Variants in ERC1 observed in about 807,000 individuals in gnomAD.
The protein encoded by ERC1 is ELKS/RAB6-interacting/CAST family member 1.
ERC1 carries 56 observed loss-of-function variants against 132.0 expected under a neutral mutation model. The observed-to-expected ratio is 0.42, with a 90% CI of 0.34 to 0.53. The LOEUF (loss-of-function observed/expected upper bound fraction) is 0.53. Ranked by LOEUF, ERC1 falls within the 20% of genes least tolerant of loss-of-function variation. The pLI is 0.03. For synonymous variants in ERC1, 478 were observed against 476.1 expected (o/e 1.00, Z -0.05); for missense variants, 1,202 against 1,349.9 (o/e 0.89, Z 1.72).
At chr12:1,026,716 T>A (rs1157248002) in intron 1 of ERC1, among the ~76,000 whole-genome samples, 1 of 152,204 alleles carries the variant, frequency 6.6e-6, no homozygotes, top group Non-Finnish European at 1.5e-5. Context: ...AAAAGGAAAA[T>A]CTTATTTTCA....
chr12:1,100,566 A>T (rs1944548781), intron 3 of ERC1, among the ~76,000 whole-genome samples: 1 of 152,166 alleles, frequency 6.6e-6, no homozygotes, highest in African/African-American at 2.4e-5. Flanking sequence ...AAGTTTCAGG[A>T]TATATTTTGA....
At chr12:1,484,304 A>C (rs78483477) in intron 18 of ERC1, among the ~76,000 whole-genome samples, 1 of 144,910 alleles carries the variant, frequency 6.9e-6, no homozygotes, top group Non-Finnish European at 1.5e-5. Flanking sequence ...ACTCCGTCTC[A>C]AAAAAAAAAA....
chr12:1,304,030 G>A (rs982786863), intron 15 of ERC1, among the ~76,000 whole-genome samples: 2 of 150,142 alleles, frequency 1.3e-5, no homozygotes. Flanking sequence ...TCTCATGTAT[G>A]ATGAAGTCTC....
At chr12:1,211,543 C>T (rs145233174) in intron 12 of ERC1, among the ~76,000 whole-genome samples, 181 of 152,142 alleles carry the variant, frequency 1.2e-3, no homozygotes, top group Middle Eastern at 6.8e-3. Flanking sequence ...AATGATATAA[C>T]TTGGATATAA....
At chr12:1,197,866 A>G (rs1956482190) in intron 12 of ERC1, among the ~76,000 whole-genome samples, 1 of 152,110 alleles carries the variant, frequency 6.6e-6, no homozygotes, top group Admixed American at 6.5e-5. Context: ...AGAATGTAGT[A>G]GTATCAGAAA....
At chr12:1,168,646 G>A (rs568155208) in intron 8 of ERC1, among the ~76,000 whole-genome samples, 19 of 151,660 alleles carry the variant, frequency 1.3e-4, no homozygotes, top group African/African-American at 2.7e-4. Flanking sequence ...CACCACACCC[G>A]GCTAATTTTT....
chr12:1,349,833 G>C (rs1169031973), intron 15 of ERC1, among the ~76,000 whole-genome samples: 7 of 152,132 alleles, frequency 4.6e-5, no homozygotes, highest in Non-Finnish European at 2.9e-5. Flanking sequence ...CAACTGGTTA[G>C]ACTTCCAGCT....
chr12:1,262,330 T>C (rs905790058), intron 13 of ERC1, among the ~76,000 whole-genome samples: 1 of 152,208 alleles, frequency 6.6e-6, no homozygotes, highest in Non-Finnish European at 1.5e-5. Context: ...TGTTTGACTT[T>C]CTGATAGATC....
At chr12:1,194,213 G>A (rs1452325430) in intron 12 of ERC1, among the ~76,000 whole-genome samples, 1 of 152,184 alleles carries the variant, frequency 6.6e-6, no homozygotes, top group East Asian at 1.9e-4. Flanking sequence ...CTGAGGTCAG[G>A]AGTTTGAGAC....
At chr12:1,372,274 A>G (rs75694367) in intron 16 of ERC1, among the ~76,000 whole-genome samples, 9,182 of 152,220 alleles carry the variant, frequency 0.06, 315 homozygotes, top group South Asian at 0.12. Context: ...TTTGACATGA[A>G]AAGGCTTTTT....
At chr12:1,234,184 C>T (rs569864701) in intron 12 of ERC1, among the ~76,000 whole-genome samples, 15 of 152,132 alleles carry the variant, frequency 9.9e-5, no homozygotes, top group Non-Finnish European at 1.8e-4. Flanking sequence ...TTCAACCTAA[C>T]GATAGTGCAA....
At chr12:1,191,060 TA>T (rs1456874540) in intron 12 of ERC1, among the ~76,000 whole-genome samples, 2 of 152,166 alleles carry the variant, frequency 1.3e-5, no homozygotes, top group African/African-American at 2.4e-5. Context: ...AAACCAAAAC[TA>T]TAAAGTCTAA....
chr12:1,190,523 G>C (rs1417436525), intron 12 of ERC1, among the ~76,000 whole-genome samples: 1 of 152,122 alleles, frequency 6.6e-6, no homozygotes, highest in African/African-American at 2.4e-5. Flanking sequence ...TTACTTCAGT[G>C]CATTAGATCA....
intron 2 of ERC1, among the ~76,000 whole-genome samples, chr12:1,029,607 T>G (rs1014444778): frequency 1.2e-4 from 19 of 152,164 alleles, no homozygotes; most frequent in African/African-American, 4.6e-4. Context: ...ACAGGAAATA[T>G]TCACTTATTT....
chr12:1,064,356 A>G (rs1011365168), intron 2 of ERC1, among the ~76,000 whole-genome samples: 10 of 151,768 alleles, frequency 6.6e-5, no homozygotes, highest in Non-Finnish European at 7.4e-5. Context: ...CCTCCTGAGT[A>G]TTCTCTTGCT....
intron 15 of ERC1, among the ~76,000 whole-genome samples, chr12:1,319,906 T>A (rs963135521): frequency 2.6e-5 from 4 of 152,190 alleles, no homozygotes; most frequent in African/African-American, 4.8e-5. Context: ...TGTGTGTGTT[T>A]GTATGCAGGG....
At chr12:1,362,012 A>G (rs2086171336) in intron 15 of ERC1, among the ~76,000 whole-genome samples, 1 of 152,072 alleles carries the variant, frequency 6.6e-6, no homozygotes, top group African/African-American at 2.4e-5. Flanking sequence ...TTTATCTCCA[A>G]GTTGTTTTAT....
At chr12:1,389,299 G>A (rs1194737690) in intron 16 of ERC1, among the ~76,000 whole-genome samples, 1 of 152,190 alleles carries the variant, frequency 6.6e-6, no homozygotes, top group Non-Finnish European at 1.5e-5. Context: ...AAAGATGAGA[G>A]CTAGAAATGA....
chr12:1,326,638 C>T (rs1277302496), intron 15 of ERC1, among the ~76,000 whole-genome samples: 1 of 152,060 alleles, frequency 6.6e-6, no homozygotes, highest in Non-Finnish European at 1.5e-5. Context: ...AAAAAGTCTC[C>T]CTTGAGTTTT....
Sources: allele counts gnomAD v4.1 joint callset (sites outside exome capture counted in the v4.1 genomes callset), GRCh38; gene constraint gnomAD v4.1.1; transcripts MANE v1.5; gene names NCBI Gene and HGNC (gene_info 2026-07-23, HGNC 2026-07-21).